Variants in PRIM1 observed in about 807,000 individuals in gnomAD.
The protein encoded by PRIM1 is DNA primase subunit 1, also known as DNA primase small subunit.
In PRIM1, 38 loss-of-function variants were observed where a neutral mutation model predicts 60.2. That is an observed-to-expected ratio of 0.63 (90% CI 0.49 to 0.83). PRIM1 has a LOEUF of 0.83. Ranked by LOEUF, PRIM1 falls within the 40% of genes least tolerant of loss-of-function variation. PRIM1 has a pLI of 0.00. For missense variants in PRIM1, 388 were observed against 506.2 expected, an observed-to-expected ratio of 0.77 and a Z score of 2.24; for synonymous variants, 158 against 160.2, an observed-to-expected ratio of 0.99 and a Z score of 0.10.
In PRIM1 at chr12:56,741,871, G is replaced by A. The variant is rs867520925; in HGVS notation, c.749-34C>T. The A allele has an allele frequency of 1.6e-5, 25 of 1,540,172 alleles. No homozygotes were observed. The Middle Eastern group carries it at 1.2e-3, about 73-fold the overall frequency. On this transcript the variant is annotated intron_variant, in intron 7 of 12. Transcript: ENST00000338193. ...TCATTAAGGAACAGACTCATTTAGG[G>A]AACATCAATGAACAATTTAGTTTTA...
chr12:56,734,446 C>T (rs1309877867), intron 11 of PRIM1, among the ~76,000 whole-genome samples: 1 of 152,070 alleles, frequency 6.6e-6, no homozygotes, highest in Non-Finnish European at 1.5e-5. Context: ...GTCATGCAGA[C>T]TGAAGTACAG....
chr12:56,746,696 C>T (rs913933000), intron 4 of PRIM1, 85 bp downstream of exon 4: 6 of 1,170,102 alleles, frequency 5.1e-6, no homozygotes, highest in Non-Finnish European at 7.4e-6. Flanking sequence ...GATTTGATCA[C>T]AAAATACAGA....
chr12:56,748,974 G>A (rs1037639308), intron 2 of PRIM1, among the ~76,000 whole-genome samples: 4 of 147,886 alleles, frequency 2.7e-5, no homozygotes, highest in African/African-American at 9.8e-5. Context: ...AAGAAAGAAA[G>A]TAGTTGCTTC....
chr12:56,735,943 G>A (rs1244548949), intron 11 of PRIM1, among the ~76,000 whole-genome samples: 8 of 151,866 alleles, frequency 5.3e-5, no homozygotes, highest in African/African-American at 9.7e-5. Context: ...CAGCCACTAC[G>A]CCTGGCCTGC....
rs1484482504 is a variant in PRIM1, at chr12:56,746,158, G to C, written c.466C>G (p.Leu156Val). The C allele has an allele frequency of 1.2e-6, 2 of 1,612,096 alleles. No individual in the cohort carries two copies. The highest frequency in any genetic ancestry group is 8.5e-7 in the Non-Finnish European group (1 of 1,179,344). ...LKEDFGFKHRLWVYSGRRGVH... is the reference protein window; with the variant it reads ...LKEDFGFKHRVWVYSGRRGVH... ...CCTCTCCTTCCAGAATATACCCAGAGACGATGCTTAAATCCAAAGTCCTCT... is the reference window on the plus strand; with the variant it reads ...CCTCTCCTTCCAGAATATACCCAGACACGATGCTTAAATCCAAAGTCCTCT... The change falls in exon 5 of 13, where the codon CTC (leucine) becomes GTC (valine). Residue 156 changes from leucine to valine, a missense_variant. Around this residue, in one of 3 missense-constraint regions of PRIM1, gnomAD observed 21 missense variants for 52.5 expected, o/e 0.40. Transcript: ENST00000338193.
intron 12 of PRIM1, among the ~76,000 whole-genome samples, chr12:56,732,013 G>GT (rs1953788560): frequency 1.3e-5 from 2 of 152,178 alleles, no homozygotes; most frequent in Non-Finnish European, 2.9e-5. Flanking sequence ...TGTCTACTGA[G>GT]TAGAGCATTA....
intron 10 of PRIM1, 128 bp downstream of exon 10, chr12:56,739,166 C>T (rs2137860992): frequency 1.7e-6 from 1 of 599,932 alleles, no homozygotes; most frequent in East Asian, 3.1e-5. Flanking sequence ...AACCTTTGAA[C>T]CTTATTTGGT....
At chr12:56,748,127 A>G (rs1453532389) in intron 2 of PRIM1, among the ~76,000 whole-genome samples, 2 of 152,242 alleles carry the variant, frequency 1.3e-5, no homozygotes, top group Non-Finnish European at 2.9e-5. Flanking sequence ...AAGACACCTG[A>G]ATTATTTTCC....
intron 12 of PRIM1, among the ~76,000 whole-genome samples, chr12:56,732,046 T>G (rs1337454162): frequency 6.6e-6 from 1 of 152,232 alleles, no homozygotes; most frequent in Non-Finnish European, 1.5e-5. Flanking sequence ...CTGCTTAAAC[T>G]ATCACATATT....
rs763887521 is a variant in PRIM1 at position 56,746,104 on chromosome 12, C to A, written c.520G>T (p.Val174Phe). The change falls in exon 5 of 13, where the codon GTT (valine) becomes TTT (phenylalanine). Residue 174 changes from valine (V) to phenylalanine (F), a missense_variant. This residue lies in a region of PRIM1 where 21 missense variants were observed against 52.5 expected (regional missense o/e 0.40). Transcript: ENST00000338193. ...GVHCWVCDES[V>F]RKLSSAVRSG... ...CGTACTGCAGAAGACAGTTTTCTAA[C>A]TGATTCATCACAGACCCAACAATGA... is the stretch of plus-strand genomic sequence containing the variant. 6.2e-7 allele frequency: 1 copy of A among 1,613,618 alleles called. No homozygotes were observed. Among genetic ancestry groups the A allele is most frequent in the Non-Finnish European group, 8.5e-7 (1 of 1,179,664 alleles).
At chr12:56,741,661 C>G in intron 8 of PRIM1, 85 bp from the exon 9 acceptor site, 1 of 1,574,568 alleles carries the variant, frequency 6.4e-7, no homozygotes, top group Non-Finnish European at 8.6e-7. Context: ...CGATCTTCAA[C>G]CATCTTTAAC....
chr12:56,739,148 C>T (rs1046811071), intron 10 of PRIM1, 146 bp downstream of exon 10: 4 of 500,218 alleles, frequency 8.0e-6, no homozygotes, highest in African/African-American at 5.8e-5. Context: ...ATTAGGGCAT[C>T]GTCATCTAAC....
intron 12 of PRIM1, among the ~76,000 whole-genome samples, chr12:56,733,600 T>A (rs971940326): frequency 2.0e-5 from 3 of 151,592 alleles, no homozygotes; most frequent in Non-Finnish European, 4.4e-5. Flanking sequence ...TACTTCTTTT[T>A]TTTTTTTGAG....
At chr12:56,736,394 T>C (rs367993402) in intron 11 of PRIM1, among the ~76,000 whole-genome samples, 2 of 150,882 alleles carry the variant, frequency 1.3e-5, no homozygotes, top group East Asian at 3.9e-4. Flanking sequence ...GAAAATATGA[T>C]TGAGAATAAG....
At chr12:56,741,409 T>C (rs1953871197) in intron 9 of PRIM1, 26 bp downstream of exon 9, 1 of 1,593,858 alleles carries the variant, frequency 6.3e-7, no homozygotes, top group Admixed American at 1.8e-5. Flanking sequence ...TTTCTTTTAG[T>C]TTTCCTTAGT....
intron 10 of PRIM1, 119 bp from the exon 11 acceptor site, chr12:56,738,644 C>G (rs1953851219): frequency 2.0e-6 from 2 of 981,796 alleles, no homozygotes; most frequent in Non-Finnish European, 3.0e-6. Context: ...CTCCGCCTCC[C>G]AGGTTCAAGT....
chr12:56,748,422 T>C (rs1391575073), intron 2 of PRIM1, among the ~76,000 whole-genome samples: 1 of 151,694 alleles, frequency 6.6e-6, no homozygotes, highest in Admixed American at 6.6e-5. Context: ...GGTCAGGAGA[T>C]CGAGACCAAC....
At chr12:56,741,918 G>T in intron 7 of PRIM1, 81 bp from the exon 8 acceptor site, 1 of 1,216,826 alleles carries the variant, frequency 8.2e-7, no homozygotes, top group Non-Finnish European at 1.2e-6. Context: ...CCACAAGGGT[G>T]TCTTACAAAT....
chr12:56,744,245 C>A, intron 5 of PRIM1, 122 bp from the exon 6 acceptor site: 1 of 661,522 alleles, frequency 1.5e-6, no homozygotes, highest in Non-Finnish European at 2.5e-6. Context: ...TGGCTCACAC[C>A]TGTAATCCCA....
Sources: allele counts gnomAD v4.1 joint callset (sites outside exome capture counted in the v4.1 genomes callset), GRCh38; gene constraint gnomAD v4.1.1; regional missense constraint gnomAD v4.1.1; transcripts MANE v1.5; gene names NCBI Gene and HGNC (gene_info 2026-07-23, HGNC 2026-07-21).